Variants in ABCD2 observed in about 807,000 individuals in gnomAD.
ABCD2 encodes the protein ATP binding cassette subfamily D member 2, also known as ATP-binding cassette sub-family D member 2.
ABCD2 carries 36 observed loss-of-function variants against 70.9 expected under a neutral mutation model. The ratio of observed to expected loss-of-function variants is 0.51; its 90% CI spans 0.39 to 0.67. The LOEUF is 0.67. Among genes scored for constraint, ABCD2 ranks in the 30% least tolerant of loss-of-function variants. The pLI is 0.00. For synonymous variants in ABCD2, 304 were observed against 306.9 expected (o/e 0.99, Z 0.10); for missense variants, 729 against 890.2 (o/e 0.82, Z 2.30).
chr12:39,558,358 A>G (rs1457228808), intron 9 of ABCD2, among the ~76,000 whole-genome samples: 1 of 152,162 alleles, frequency 6.6e-6, no homozygotes, highest in Non-Finnish European at 1.5e-5. Context: ...GAGTTAAGAC[A>G]TTGAGGGGCT....
At chr12:39,603,479 T>C (rs533964377) in intron 5 of ABCD2, among the ~76,000 whole-genome samples, 73 of 152,234 alleles carry the variant, frequency 4.8e-4, no homozygotes, top group Non-Finnish European at 8.5e-4. Context: ...AGTACATTAG[T>C]ACATGTAATT....
chr12:39,619,483 T>C lies in ABCD2; in HGVS notation c.133A>G (p.Lys45Glu). ...TLYPIIGKRL[K>E]QSGHGKKKAA... ...TTTTTCTTCCCGTGGCCAGATTGCT[T>C]TAAACGCTTGCCAATGATGGGATAG... The change falls in exon 1 of 10, where the codon AAG becomes GAG. Residue 45 changes from lysine (K) to glutamate (E), a missense_variant. Lys to Glu is a moderately conservative substitution (Grantham distance 56). Coordinates refer to ENST00000308666, the MANE Select transcript of ABCD2 (RefSeq NM_005164.4). The C allele has an allele frequency of 6.2e-7, 1 of 1,613,630 alleles. No individual in the cohort carries two copies. Among genetic ancestry groups the C allele is most frequent in the Non-Finnish European group, 8.5e-7 (1 of 1,180,006 alleles).
intron 2 of ABCD2, among the ~76,000 whole-genome samples, chr12:39,616,648 T>C (rs1942118414): frequency 6.6e-6 from 1 of 152,184 alleles, no homozygotes; most frequent in Non-Finnish European, 1.5e-5. Flanking sequence ...GCTTGTGTTA[T>C]ACTCTTTCTG....
intron 9 of ABCD2, among the ~76,000 whole-genome samples, chr12:39,556,586 A>G (rs1395090836): frequency 6.6e-6 from 1 of 152,188 alleles, no homozygotes; most frequent in African/African-American, 2.4e-5. Flanking sequence ...CTGTGAGTCA[A>G]TTAAACCCTT....
At chr12:39,562,110 T>A (rs903699581) in intron 9 of ABCD2, among the ~76,000 whole-genome samples, 1 of 151,994 alleles carries the variant, frequency 6.6e-6, no homozygotes, top group Non-Finnish European at 1.5e-5. Flanking sequence ...ATAAAGAAAT[T>A]AAAAGAAAAA....
At chr12:39,603,864 G>T in intron 5 of ABCD2, 48 bp downstream of exon 5, 2 of 1,367,972 alleles carry the variant, frequency 1.5e-6, no homozygotes, top group South Asian at 1.2e-5. Flanking sequence ...GAGTTGTTTT[G>T]TATTAGTGTG....
chr12:39,532,179 C>T, the ABCD2 span, among the ~76,000 whole-genome samples: 4 of 152,074 alleles, frequency 2.6e-5, no homozygotes, highest in Non-Finnish European at 5.9e-5. Flanking sequence ...GTGAATGGCT[C>T]ATGTGGGTGG....
chr12:39,544,656 T>TA, the ABCD2 span, among the ~76,000 whole-genome samples: 1 of 152,176 alleles, frequency 6.6e-6, no homozygotes, highest in Non-Finnish European at 1.5e-5. Flanking sequence ...CTTTAGGTTT[T>TA]ATAACACCTT....
intron 9 of ABCD2, among the ~76,000 whole-genome samples, chr12:39,566,422 T>A (rs1941348876): frequency 6.6e-6 from 1 of 152,206 alleles, no homozygotes; most frequent in African/African-American, 2.4e-5. Context: ...TGCATAGAAG[T>A]GTTTATAGTG....
downstream of ABCD2, among the ~76,000 whole-genome samples, chr12:39,546,167 A>G (rs549829340): frequency 5.3e-5 from 8 of 152,258 alleles, no homozygotes; most frequent in Non-Finnish European, 4.4e-5. Context: ...GCACATTATA[A>G]TTTTACCTAA....
At chr12:39,536,480 G>C in the ABCD2 span, among the ~76,000 whole-genome samples, 2 of 152,110 alleles carry the variant, frequency 1.3e-5, no homozygotes, top group South Asian at 2.1e-4. Context: ...TCATAAACCG[G>C]TTCTTATATT....
At chr12:39,561,127 G>A (rs1265173001) in intron 9 of ABCD2, among the ~76,000 whole-genome samples, 1 of 152,048 alleles carries the variant, frequency 6.6e-6, no homozygotes, top group Non-Finnish European at 1.5e-5. Context: ...CAGGTGCAGT[G>A]GCTCACGTCT....
At chr12:39,613,385 CAAAAAAAAAAAAAA>C (rs71075064) in intron 2 of ABCD2, among the ~76,000 whole-genome samples, 2 of 23,606 alleles carry the variant, frequency 8.5e-5, no homozygotes, top group East Asian at 3.4e-3. Context: ...GACTCCGTCT[CAAAAAAAAAAAAAA>C]AAAAAAAAAA....
intron 9 of ABCD2, among the ~76,000 whole-genome samples, chr12:39,558,397 G>A (rs183542350): frequency 2.6e-5 from 4 of 152,320 alleles, no homozygotes; most frequent in Admixed American, 2.6e-4. Context: ...TGTTTTGAAA[G>A]TGAGGACATA....
downstream of ABCD2, among the ~76,000 whole-genome samples, chr12:39,549,581 C>T (rs867040080): frequency 1.9e-4 from 29 of 151,704 alleles, no homozygotes; most frequent in Middle Eastern, 3.4e-3. Flanking sequence ...AGGACCACAC[C>T]CATAATTTAA....
chr12:39,556,724 T>C (rs540165717), intron 9 of ABCD2, among the ~76,000 whole-genome samples: 11 of 152,272 alleles, frequency 7.2e-5, no homozygotes, highest in African/African-American at 2.2e-4. Flanking sequence ...TGGTGGCTCA[T>C]GCCTGTAATC....
intron 8 of ABCD2, among the ~76,000 whole-genome samples, chr12:39,578,000 T>C (rs1462835133): frequency 6.6e-6 from 1 of 152,158 alleles, no homozygotes; most frequent in Non-Finnish European, 1.5e-5. Context: ...ACTGAGTGCT[T>C]AGTGTGGGCC....
intron 9 of ABCD2, among the ~76,000 whole-genome samples, chr12:39,567,174 C>T (rs190076877): frequency 1.8e-4 from 27 of 152,184 alleles, no homozygotes; most frequent in African/African-American, 6.0e-4. Context: ...GAGTTCAATT[C>T]CTGGATATGC....
Position 39,619,452 on chromosome 12 carries a change from G to A in ABCD2, c.164C>T (p.Ala55Val). Reference protein sequence around the residue: ...KQSGHGKKKAAAYPAAENTEI... With the variant: ...KQSGHGKKKAVAYPAAENTEI... ...TGTGTTCTCTGCAGCAGGGTAAGCT[G>A]CTGCTTTTTTCTTCCCGTGGCCAGA... Residue 55 changes from alanine to valine, a missense_variant, in exon 1 of 10, where the codon GCA (alanine) becomes GTA (valine). By Grantham distance (64) the Ala-to-Val change is moderately conservative (BLOSUM62 0). Coordinates refer to ENST00000308666, the MANE Select transcript of ABCD2 (RefSeq NM_005164.4). 6.2e-7 allele frequency: 1 copy of A among 1,614,062 alleles called. No homozygotes were observed. Among genetic ancestry groups the A allele is most frequent in the Non-Finnish European group, 8.5e-7 (1 of 1,180,030 alleles).
Sources: allele counts gnomAD v4.1 joint callset (sites outside exome capture counted in the v4.1 genomes callset), GRCh38; gene constraint gnomAD v4.1.1; transcripts MANE v1.5; gene names NCBI Gene and HGNC (gene_info 2026-07-23, HGNC 2026-07-21).